Variants in MACO1 observed in about 807,000 individuals in gnomAD.
The protein encoded by MACO1 is macoilin 1, also known as macoilin.
A neutral mutation model predicts 78.7 loss-of-function variants in MACO1; 14 were observed. That is an observed-to-expected ratio of 0.18 (90% CI 0.12 to 0.28). The LOEUF is 0.28. Among genes scored for constraint, MACO1 ranks in the 10% least tolerant of loss-of-function variants. The pLI is 1.00. For missense variants in MACO1, 501 were observed against 799.0 expected, an observed-to-expected ratio of 0.63 and a Z score of 4.50; for synonymous variants, 288 against 291.6, an observed-to-expected ratio of 0.99 and a Z score of 0.12.
chr1:25,483,580 A>G (rs1357701663), intron 6 of MACO1, among the ~76,000 whole-genome samples: 9 of 152,164 alleles, frequency 5.9e-5, no homozygotes, highest in Non-Finnish European at 1.3e-4. Context: ...TTCTGCCGCA[A>G]TCACCAGAGT....
At chr1:25,493,438 C>T (rs1437423992) in intron 10 of MACO1, among the ~76,000 whole-genome samples, 3 of 150,996 alleles carry the variant, frequency 2.0e-5, no homozygotes, top group South Asian at 2.1e-4. Flanking sequence ...TTTCTAGAGA[C>T]GAGGTCTCAC....
chr1:25,468,398 ACCATCAACTTAC>A (rs1427767827), intron 6 of MACO1, among the ~76,000 whole-genome samples: 1 of 152,138 alleles, frequency 6.6e-6, no homozygotes, highest in African/African-American at 2.4e-5. Flanking sequence ...CAGAGATGTA[ACCATCAACTTAC>A]CCTGCAGAGA....
At chr1:25,447,143 G>A (rs1055534366) in intron 2 of MACO1, among the ~76,000 whole-genome samples, 19 of 152,174 alleles carry the variant, frequency 1.2e-4, no homozygotes, top group Admixed American at 3.9e-4. Flanking sequence ...TTTGGAGGGC[G>A]GCAACCTAGT....
In MACO1 at chr1:25,452,160, A is replaced by G. The variant is rs1291874424; in HGVS notation, c.350-2099A>G. On this transcript the variant is annotated intron_variant, in intron 3 of 10. Transcript: ENST00000374343. ...AAACTCTGGGGTTTACTCTTCAACAAAATGAGGAAGTTAGACAAAATGATC... is the reference window on the plus strand; with the variant it reads ...AAACTCTGGGGTTTACTCTTCAACAGAATGAGGAAGTTAGACAAAATGATC... Among the ~76,000 whole-genome samples the G allele has an allele frequency of 3.3e-5, 5 of 152,184 alleles. No individual in the cohort carries two copies. The East Asian group carries it at 5.8e-4, about 18-fold the overall frequency.
At chr1:25,453,950 C>G (rs977147807) in intron 3 of MACO1, among the ~76,000 whole-genome samples, 1 of 151,996 alleles carries the variant, frequency 6.6e-6, no homozygotes, top group African/African-American at 2.4e-5. Context: ...TTTTGTGACT[C>G]GTAAATTATT....
intron 10 of MACO1, among the ~76,000 whole-genome samples, chr1:25,497,849 T>C (rs1237218219): frequency 6.6e-6 from 1 of 152,192 alleles, no homozygotes; most frequent in Non-Finnish European, 1.5e-5. Context: ...TCTTACGCTG[T>C]CATAGCTGAC....
chr1:25,432,926 G>A (rs955024356), intron 1 of MACO1, among the ~76,000 whole-genome samples: 4 of 152,198 alleles, frequency 2.6e-5, no homozygotes, highest in African/African-American at 9.7e-5. Context: ...TAGCTACTCA[G>A]TGTGAATCGA....
At chr1:25,462,699 A>G (rs559999818) in intron 6 of MACO1, among the ~76,000 whole-genome samples, 2 of 113,718 alleles carry the variant, frequency 1.8e-5, no homozygotes, top group Admixed American at 9.5e-5. Flanking sequence ...TTTTGGGGGG[A>G]AAATTCATTA....
At chr1:25,494,602 G>A (rs1404668592) in intron 10 of MACO1, among the ~76,000 whole-genome samples, 4 of 152,104 alleles carry the variant, frequency 2.6e-5, no homozygotes, top group Non-Finnish European at 5.9e-5. Context: ...CGATGGAAGG[G>A]GTGAGACTGA....
intron 10 of MACO1, among the ~76,000 whole-genome samples, chr1:25,494,194 G>A (rs557324803): frequency 2.0e-5 from 3 of 152,302 alleles, no homozygotes; most frequent in Admixed American, 2.0e-4. Context: ...GACCCTGACT[G>A]TACTTTGAGA....
chr1:25,471,700 A>C (rs979569807), intron 6 of MACO1, among the ~76,000 whole-genome samples: 2 of 152,306 alleles, frequency 1.3e-5, no homozygotes, highest in South Asian at 4.1e-4. Flanking sequence ...TCACAGTGCA[A>C]CTCAAAGGCT....
chr1:25,440,280 T>G (rs1470486966), intron 1 of MACO1, among the ~76,000 whole-genome samples: 1 of 148,964 alleles, frequency 6.7e-6, no homozygotes, highest in Non-Finnish European at 1.5e-5. Context: ...GTGCCCGTAG[T>G]CCTAATTACT....
rs761800399 is a variant in MACO1, at chr1:25,489,250, A to G, written c.1574A>G (p.Lys525Arg). The change falls in exon 9 of 11, where the codon AAG becomes AGG. Residue 525 changes from lysine (K) to arginine (R), a missense_variant. Around this residue, in one of 5 missense-constraint regions of MACO1, gnomAD observed 163 missense variants for 271.9 expected, o/e 0.60. Transcript: ENST00000374343. ...GGCAAGAAGCTCACGATGGACATGA[A>G]GGTGAAAGAAGACCAAATCAGAGAA... is the stretch of plus-strand genomic sequence containing the variant. ...AEGKKLTMDM[K>R]VKEDQIRELE... 1.2e-6 allele frequency: 2 copies of G among 1,614,098 alleles called. No individual in the cohort carries two copies. Among genetic ancestry groups the G allele is most frequent in the East Asian group, 4.5e-5 (2 of 44,886 alleles).
At chr1:25,431,439 G>A (rs1187216587) in intron 1 of MACO1, among the ~76,000 whole-genome samples, 2 of 149,738 alleles carry the variant, frequency 1.3e-5, no homozygotes, top group African/African-American at 2.4e-5. Flanking sequence ...CGTTGGAAGC[G>A]CCGGGCCCGC....
At position 25,433,613 on chromosome 1, in the gene MACO1, T is replaced by G. The variant is rs373925247; in HGVS notation, c.80+2435T>G. Among the ~76,000 whole-genome samples the G allele has an allele frequency of 3.9e-5, 6 of 152,316 alleles. No individual in the cohort carries two copies. In the East Asian group the frequency reaches 7.7e-4, roughly 20 times the overall value. ...TTCATGTTCTCAGTCTGTACAACTT[T>G]CTGAGCCTTGGCATAGGAAGGAGGC... On this transcript the variant is annotated intron_variant, in intron 1 of 10. Coordinates refer to ENST00000374343, the MANE Select transcript of MACO1 (RefSeq NM_018202.6).
chr1:25,460,151 G>C (rs554608043), intron 6 of MACO1, among the ~76,000 whole-genome samples: 1 of 152,288 alleles, frequency 6.6e-6, no homozygotes, highest in African/African-American at 2.4e-5. Flanking sequence ...AGGCTCTAGA[G>C]GTTTCACAGC....
At chr1:25,483,229 T>C (rs984822932) in intron 6 of MACO1, among the ~76,000 whole-genome samples, 2 of 152,122 alleles carry the variant, frequency 1.3e-5, no homozygotes, top group Middle Eastern at 3.2e-3. Flanking sequence ...TTTTGTACTT[T>C]TAGTAGAGAT....
chr1:25,449,008 A>C, intron 3 of MACO1, 74 bp downstream of exon 3: 1 of 1,319,890 alleles, frequency 7.6e-7, no homozygotes, highest in Non-Finnish European at 9.9e-7. Context: ...TTCTTTGAAT[A>C]CATTATTTAG....
chr1:25,458,515 G>A lies in MACO1; in HGVS notation c.777G>A (p.Lys259=). The A allele has an allele frequency of 6.2e-7, 1 of 1,613,696 alleles. No homozygotes were observed. The highest frequency in any genetic ancestry group is 8.5e-7 in the Non-Finnish European group (1 of 1,179,920). The change falls in exon 6 of 11, where the codon AAG becomes AAA. Residue 259 remains lysine (K), a synonymous_variant. Coordinates refer to ENST00000374343, the MANE Select transcript of MACO1 (RefSeq NM_018202.6). ...EIEYREKGKE[K]DKDAKKHNLG... ...AATACCGAGAAAAAGGGAAAGAAAAGGACAAGGATGCCAAAAAACACAACC... is the reference window on the plus strand; with the variant it reads ...AATACCGAGAAAAAGGGAAAGAAAAAGACAAGGATGCCAAAAAACACAACC...
Sources: allele counts gnomAD v4.1 joint callset (sites outside exome capture counted in the v4.1 genomes callset), GRCh38; gene constraint gnomAD v4.1.1; regional missense constraint gnomAD v4.1.1; transcripts MANE v1.5; gene names NCBI Gene and HGNC (gene_info 2026-07-23, HGNC 2026-07-21).